Variants in CBFB observed in about 807,000 individuals in gnomAD.
CBFB encodes the protein CBF-beta.
Under a neutral mutation model 30.4 loss-of-function variants are expected in CBFB, and 9 were observed. The observed-to-expected ratio is 0.30, with a 90% CI of 0.18 to 0.52. The LOEUF (loss-of-function observed/expected upper bound fraction) is 0.52, where lower values mean the gene tolerates loss of function less well. CBFB is among the 20% of genes least tolerant of loss of function. CBFB has a pLI of 0.97. For missense variants in CBFB, 170 were observed against 244.0 expected (o/e 0.70, Z 2.02); for synonymous variants, 94 against 84.0 (o/e 1.12, Z -0.65).
chr16:67,065,756 T>TA (rs150264210), intron 3 of CBFB, among the ~76,000 whole-genome samples: 2,043 of 152,320 alleles, frequency 0.013, 13 homozygotes, highest in Non-Finnish European at 0.022. Context: ...TGGGTTAACT[T>TA]ACCAGTTTCT....
At chr16:67,036,573 A>G (rs1489073796) in intron 2 of CBFB, 66 bp from the exon 3 acceptor site, 2 of 894,286 alleles carry the variant, frequency 2.2e-6, no homozygotes, top group South Asian at 1.3e-5. Context: ...GTAAAAATAA[A>G]TGACTGCTTG....
intron 4 of CBFB, among the ~76,000 whole-genome samples, chr16:67,076,532 C>A (rs1274451258): frequency 2.0e-5 from 3 of 151,916 alleles, no homozygotes; most frequent in African/African-American, 7.3e-5. Context: ...AGCAAAATGC[C>A]TCTTGGTAAT....
chr16:67,090,827 A>C (rs1961860066), intron 5 of CBFB, among the ~76,000 whole-genome samples: 1 of 152,208 alleles, frequency 6.6e-6, no homozygotes, highest in African/African-American at 2.4e-5. Flanking sequence ...ATAGAATTTT[A>C]TGTGGAAACT....
intron 2 of CBFB, among the ~76,000 whole-genome samples, chr16:67,033,826 T>TC (rs960326986): frequency 1.4e-5 from 2 of 147,090 alleles, no homozygotes; most frequent in Non-Finnish European, 3.0e-5. Context: ...GTTGTTTTTT[T>TC]TTTTTTTTTT....
At chr16:67,036,917 T>TA (rs1966449029) in intron 3 of CBFB, among the ~76,000 whole-genome samples, 162 bp downstream of exon 3, 1 of 152,086 alleles carries the variant, frequency 6.6e-6, no homozygotes, top group South Asian at 2.1e-4. Flanking sequence ...TTTTTTTTTT[T>TA]AATGGCGTTT....
At chr16:67,046,558 G>A (rs749407596) in intron 3 of CBFB, among the ~76,000 whole-genome samples, 27 of 152,214 alleles carry the variant, frequency 1.8e-4, no homozygotes, top group Admixed American at 5.2e-4. Flanking sequence ...TTTACATGTA[G>A]TACAGTTCAC....
rs562036514 is a variant in CBFB at position 67,063,988 on chromosome 16, G to A, written c.283-2694G>A. ...ATAATGCCAGATTTTAGCTCACAAA[G>A]CACTGGATTTCCCAAAGGAAATACA... is the stretch of plus-strand genomic sequence containing the variant. On this transcript the variant is annotated intron_variant, in intron 3 of 5. Coordinates refer to ENST00000412916, the MANE Select transcript of CBFB (RefSeq NM_022845.3). 1.7e-4 allele frequency among the ~76,000 whole-genome samples: 26 copies of A among 152,186 alleles called. No individual in the cohort carries two copies. In the East Asian group the frequency reaches 4.2e-3, roughly 25 times the overall value.
At chr16:67,030,564 G>C (rs1027476525) in intron 2 of CBFB, among the ~76,000 whole-genome samples, 8 of 152,120 alleles carry the variant, frequency 5.3e-5, no homozygotes, top group African/African-American at 1.9e-4. Context: ...GTGCTGATGA[G>C]GAGGGAGTGG....
intron 4 of CBFB, among the ~76,000 whole-genome samples, chr16:67,071,766 G>T (rs933597127): frequency 6.6e-6 from 1 of 152,164 alleles, no homozygotes; most frequent in Non-Finnish European, 1.5e-5. Flanking sequence ...AGTATCTAGC[G>T]TGCAGTACAG....
At chr16:67,042,468 G>A (rs866575730) in intron 3 of CBFB, among the ~76,000 whole-genome samples, 3 of 152,180 alleles carry the variant, frequency 2.0e-5, no homozygotes, top group Admixed American at 1.3e-4. Flanking sequence ...ACAAATGTAT[G>A]CACCCATGTA....
chr16:67,029,871 C>A, intron 2 of CBFB, 58 bp downstream of exon 2: 1 of 1,290,762 alleles, frequency 7.7e-7, no homozygotes, highest in Non-Finnish European at 1.0e-6. Flanking sequence ...CCGCGGCGGC[C>A]CAGGCCGGTT....
chr16:67,096,057 C>G (rs1962038062), intron 5 of CBFB, among the ~76,000 whole-genome samples: 2 of 151,424 alleles, frequency 1.3e-5, no homozygotes, highest in South Asian at 4.2e-4. Context: ...GCCTGTAATC[C>G]CAGCACTTTG....
intron 3 of CBFB, among the ~76,000 whole-genome samples, chr16:67,042,556 G>A (rs949967624): frequency 1.7e-4 from 26 of 152,348 alleles, no homozygotes; most frequent in African/African-American, 5.8e-4. Context: ...ACCTGGGACT[G>A]ACTGCACTGG....
At chr16:67,072,506 A>C (rs1475010138) in intron 4 of CBFB, among the ~76,000 whole-genome samples, 2 of 149,000 alleles carry the variant, frequency 1.3e-5, no homozygotes, top group Non-Finnish European at 3.0e-5. Context: ...TTGCTCTCTC[A>C]CCCCGGCTGG....
chr16:67,094,852 G>C (rs542132881), intron 5 of CBFB, among the ~76,000 whole-genome samples: 4 of 152,186 alleles, frequency 2.6e-5, no homozygotes, highest in African/African-American at 9.7e-5. Context: ...TGAAAAGAAT[G>C]TGCTAAAATT....
intron 3 of CBFB, among the ~76,000 whole-genome samples, chr16:67,054,323 T>TAA (rs765627849): frequency 6.6e-6 from 1 of 152,140 alleles, no homozygotes; most frequent in Non-Finnish European, 1.5e-5. Flanking sequence ...TTCATTGTCT[T>TAA]GGTTTAAATG....
intron 2 of CBFB, chr16:67,036,375 G>A (rs371160552): frequency 5.4e-6 from 2 of 370,184 alleles, no homozygotes; most frequent in Non-Finnish European, 9.8e-6. Flanking sequence ...AGATCCTAAC[G>A]TCAGCAAAAA....
intron 3 of CBFB, among the ~76,000 whole-genome samples, chr16:67,062,864 A>G (rs2145745930): frequency 6.6e-6 from 1 of 152,268 alleles, no homozygotes; most frequent in South Asian, 2.1e-4. Flanking sequence ...AAGAATATAA[A>G]TCATTTATGA....
chr16:67,034,608 T>C (rs182778165), intron 2 of CBFB, among the ~76,000 whole-genome samples: 123 of 152,272 alleles, frequency 8.1e-4, no homozygotes, highest in Non-Finnish European at 9.0e-4. Flanking sequence ...AATGGACATA[T>C]AGTGATGAAG....
Sources: allele counts gnomAD v4.1 joint callset (sites outside exome capture counted in the v4.1 genomes callset), GRCh38; gene constraint gnomAD v4.1.1; transcripts MANE v1.5; gene names NCBI Gene and HGNC (gene_info 2026-07-23, HGNC 2026-07-21).